The following SORBS3 variants were observed in gnomAD, a reference collection of about 807,000 sequenced individuals.
SORBS3 encodes vinexin.
In SORBS3, 69 loss-of-function variants were observed where a neutral mutation model predicts 98.0. That is an observed-to-expected ratio of 0.70 (90% confidence interval 0.58 to 0.86). The LOEUF (loss-of-function observed/expected upper bound fraction) is 0.86, where lower values mean the gene tolerates loss of function less well. Among genes scored for constraint, SORBS3 ranks in the 40% least tolerant of loss-of-function variants. The pLI is 0.00. For missense variants in SORBS3, 954 were observed against 908.5 expected (o/e 1.05, Z -0.64); for synonymous variants, 394 against 355.4 (o/e 1.11, Z -1.22).
In SORBS3 at chr8:22,566,413, C is replaced by G. The variant is rs760932677; in HGVS notation, c.1019C>G (p.Pro340Arg). The G allele has an allele frequency of 1.2e-5, 19 of 1,613,974 alleles. No individual in the cohort carries two copies. The South Asian group carries it at 2.1e-4, about 18-fold the overall frequency. ...CTGGGTTCCGCCCGGTCCCTGAGTCCCCACAAAATGGCTGATGGAGGAAGC... is the reference window on the plus strand; with the variant it reads ...CTGGGTTCCGCCCGGTCCCTGAGTCGCCACAAAATGGCTGATGGAGGAAGC... ...PYLGSARSLS[P>R]HKMADGGSPF... The change falls in exon 13 of 21, where the codon CCC becomes CGC. Residue 340 changes from proline (P) to arginine (R), a missense_variant. By Grantham distance (103) the Pro-to-Arg change is moderately radical. Coordinates refer to ENST00000240123, the MANE Select transcript of SORBS3 (RefSeq NM_005775.5).
intron 16 of SORBS3, among the ~76,000 whole-genome samples, chr8:22,568,414 C>T (rs1840480598): frequency 6.6e-6 from 1 of 152,174 alleles, no homozygotes; most frequent in Admixed American, 6.5e-5. Flanking sequence ...CTGCATCTCA[C>T]ACATTTTGAT....
chr8:22,571,905 C>T, intron 19 of SORBS3, 84 bp downstream of exon 19: 1 of 993,590 alleles, frequency 1.0e-6, no homozygotes, highest in Non-Finnish European at 1.6e-6. Flanking sequence ...CCCCCAAGTC[C>T]CCACCTGTGG....
chr8:22,554,696 G>A lies in SORBS3; in HGVS notation c.102+88G>A. Reference sequence around the variant, plus strand: ...GTCAGGTGGGGGCAGGAGGATGAAAGGGATGGAGGGAGGGCTGAAGAGAGC... The same window carrying A: ...GTCAGGTGGGGGCAGGAGGATGAAAAGGATGGAGGGAGGGCTGAAGAGAGC... On this transcript the variant is annotated intron_variant, in intron 2 of 20. Coordinates refer to ENST00000240123, the MANE Select transcript of SORBS3 (RefSeq NM_005775.5). This position sits in a 1 kb window ranked among gnomAD's most constrained non-coding sequence, Gnocchi z 6.5. The A allele has an allele frequency of 2.1e-6, 3 of 1,449,816 alleles. No homozygotes were observed. Among genetic ancestry groups the A allele is most frequent in the Non-Finnish European group, 9.3e-7 (1 of 1,077,940 alleles). 89.8% of individuals were successfully genotyped at this position (1,449,816 alleles called of 1,614,324 possible). A position where few individuals can be genotyped will look rare whatever the true frequency, so the allele number is the denominator to read the frequency against.
chr8:22,572,299 T>C (rs749676882), intron 19 of SORBS3, 41 bp from the exon 20 acceptor site: 30 of 1,550,608 alleles, frequency 1.9e-5, no homozygotes, highest in Non-Finnish European at 2.5e-5. Flanking sequence ...GGTTAGAGCC[T>C]CTGGGCCCAT....
chr8:22,568,821 G>A (rs1030540963), intron 16 of SORBS3, among the ~76,000 whole-genome samples: 1 of 152,160 alleles, frequency 6.6e-6, no homozygotes, highest in South Asian at 2.1e-4. Context: ...TGCTTGGAAC[G>A]CCTCATTTTC....
chr8:22,550,660 C>T (rs1840066226), upstream of SORBS3, among the ~76,000 whole-genome samples: 1 of 152,230 alleles, frequency 6.6e-6, no homozygotes, highest in South Asian at 2.1e-4. Flanking sequence ...AGTCTTTTCT[C>T]TACTCTCTTT....
chr8:22,551,735 C>A (rs978873639), upstream of SORBS3: 72 of 985,182 alleles, frequency 7.3e-5, no homozygotes, highest in Non-Finnish European at 8.0e-5. The surrounding 1 kb of genome is among the most constrained non-coding windows in gnomAD (Gnocchi z 5.8). Context: ...GCACGTCCCT[C>A]CTCTCCGGCC....
At chr8:22,571,557 G>T (rs1185079852) in intron 18 of SORBS3, 161 bp from the exon 19 acceptor site, 10 of 632,916 alleles carry the variant, frequency 1.6e-5, no homozygotes, top group African/African-American at 5.4e-5. Context: ...AGTCACAGCA[G>T]GTGTCCCTGT....
Position 22,569,199 on chromosome 8 carries a change from G to C in SORBS3, c.1357G>C (p.Val453Leu). The C allele has an allele frequency of 6.2e-7, 1 of 1,611,422 alleles. No homozygotes were observed. The highest frequency in any genetic ancestry group is 1.1e-5 in the South Asian group (1 of 90,544). Residue 453 changes from valine (V) to leucine (L), a missense_variant, in exon 17 of 21, where the codon GTG becomes CTG. Val to Leu is a conservative substitution (Grantham distance 32). Coordinates refer to ENST00000240123, the MANE Select transcript of SORBS3 (RefSeq NM_005775.5). ...PKPIKPPTYQ[V>L]LEYGEAVAQY... ...GCCCATCAAGCCCCCGACCTACCAGGTGCTGGAGTATGGAGAGGCTGTGGC... is the reference window on the plus strand; with the variant it reads ...GCCCATCAAGCCCCCGACCTACCAGCTGCTGGAGTATGGAGAGGCTGTGGC...
chr8:22,556,620 C>T (rs1448042709), intron 3 of SORBS3, 95 bp from the exon 4 acceptor site: 50 of 1,092,360 alleles, frequency 4.6e-5, no homozygotes, highest in Non-Finnish European at 6.3e-5. Context: ...AAACTTTGAA[C>T]CCACAGAGAT....
upstream of SORBS3, chr8:22,551,798 C>G (rs1840085957): frequency 1.6e-5 from 16 of 985,916 alleles, no homozygotes; most frequent in Non-Finnish European, 1.9e-5. This position sits in a 1 kb window ranked among gnomAD's most constrained non-coding sequence, Gnocchi z 5.8. Context: ...CGCCCCGCCG[C>G]GCGACTCTCA....
intron 20 of SORBS3, 56 bp from the exon 21 acceptor site, chr8:22,574,611 T>C: frequency 6.4e-7 from 1 of 1,571,406 alleles, no homozygotes; most frequent in Non-Finnish European, 8.7e-7. Context: ...CCCTCACCCC[T>C]GCATCCCTGT....
rs1471026567 is a variant in SORBS3 at position 22,558,108 on chromosome 8, CTT to C, written c.415-19_415-18del. 9.3e-6 allele frequency: 15 copies of C among 1,613,596 alleles called. No homozygotes were observed. The highest frequency in any genetic ancestry group is 1.1e-5 in the Non-Finnish European group (13 of 1,179,560). On this transcript the variant is annotated intron_variant, in intron 4 of 20. Transcript: ENST00000240123. ...AGGGTGAATAAGCAGGGAGGACTGACTTTGCATTTTCTGATCCCAGAGCGTTG... is the reference window on the plus strand; with the variant it reads ...AGGGTGAATAAGCAGGGAGGACTGACTGCATTTTCTGATCCCAGAGCGTTG...
At chr8:22,550,431 G>A (rs916439432), upstream of SORBS3, among the ~76,000 whole-genome samples, 7 of 152,172 alleles carry the variant, frequency 4.6e-5, 1 homozygote, top group South Asian at 6.2e-4. Flanking sequence ...TCCCTATGAC[G>A]TGTCCCCCAG....
In SORBS3 at chr8:22,571,130, G is replaced by A; in HGVS notation, c.1652G>A (p.Ser551Asn). The A allele has an allele frequency of 6.2e-7, 1 of 1,605,332 alleles. No individual in the cohort carries two copies. The highest frequency in any genetic ancestry group is 2.2e-5 in the East Asian group (1 of 44,784). ...CCCAGCTCCCCCTCAGCCCTGCGCA[G>A]CCCAGCTGACCCCATCGACTTGGGG... ...RHPSSPSALR[S>N]PADPIDLGGQ... Residue 551 changes from serine (S) to asparagine (N), a missense_variant, in exon 18 of 21, where the codon AGC becomes AAC. Coordinates refer to ENST00000240123, the MANE Select transcript of SORBS3 (RefSeq NM_005775.5).
At chr8:22,550,061 G>A, upstream of SORBS3, 1 of 975,262 alleles carries the variant, frequency 1.0e-6, no homozygotes, top group South Asian at 4.8e-5. Context: ...CCTGACAGGT[G>A]GGAAAAATGC....
At chr8:22,550,149 G>A (rs969884212), upstream of SORBS3, 3 of 380,222 alleles carry the variant, frequency 7.9e-6, no homozygotes, top group Non-Finnish European at 1.1e-5. Context: ...AGGTTTCTAA[G>A]CTTCAGGTTG....
At chr8:22,550,649 T>TA (rs1452476851), upstream of SORBS3, among the ~76,000 whole-genome samples, 1 of 152,224 alleles carries the variant, frequency 6.6e-6, no homozygotes, top group African/African-American at 2.4e-5. Context: ...GAAAATCACT[T>TA]AGTCTTTTCT....
At position 22,564,097 on chromosome 8, in the gene SORBS3, C is replaced by G. The variant is rs771543837; in HGVS notation, c.675+20C>G. 1 of 1,605,624 alleles carries G rather than the reference C, an allele frequency of 6.2e-7. No homozygotes were observed. The highest frequency in any genetic ancestry group is 8.5e-7 in the Non-Finnish European group (1 of 1,173,108). On this transcript the variant is annotated intron_variant, in intron 8 of 20. Transcript: ENST00000240123. ...AATCAGGTAGCCCACCCAGCATAGTCCCTGGTCAGCCCCAGCTGTATGCCG... is the reference window on the plus strand; with the variant it reads ...AATCAGGTAGCCCACCCAGCATAGTGCCTGGTCAGCCCCAGCTGTATGCCG...
Sources: gnomAD v4.1 joint callset for allele counts (sites outside exome capture counted in the v4.1 genomes callset) on GRCh38, gnomAD v4.1.1 for gene constraint, Gnocchi (gnomAD v3.1) non-coding constraint, MANE v1.5 for transcripts, NCBI Gene and HGNC (gene_info 2026-07-23, HGNC 2026-07-21) for gene names.